ABCA6: variants seen among roughly 807,000 people sequenced by gnomAD.
ABCA6 encodes ATP binding cassette subfamily A member 6, also known as ATP-binding cassette sub-family A member 6.
A neutral mutation model predicts 191.2 loss-of-function variants in ABCA6; 164 were observed. The observed-to-expected ratio is 0.86, with a 90% CI of 0.76 to 0.98. The LOEUF (loss-of-function observed/expected upper bound fraction) is 0.98, where lower values mean the gene tolerates loss of function less well. Ranked by LOEUF, ABCA6 falls within the 50% of genes least tolerant of loss-of-function variation. ABCA6 has a pLI of 0.00. For missense variants in ABCA6, 1,958 were observed against 1,894.1 expected (o/e 1.03, Z -0.63); for synonymous variants, 636 against 647.7 (o/e 0.98, Z 0.27).
intron 20 of ABCA6, chr17:69,105,148 G>C (rs968883918): frequency 2.9e-5 from 8 of 278,974 alleles, no homozygotes; most frequent in African/African-American, 1.4e-4. Context: ...GTGTAACAAA[G>C]GGATCTCAAA....
intron 25 of ABCA6, among the ~76,000 whole-genome samples, chr17:69,093,536 T>C (rs964182902): frequency 2.0e-5 from 3 of 152,354 alleles, no homozygotes; most frequent in African/African-American, 7.2e-5. Context: ...TTGTTCTCAC[T>C]TCTGCAAACC....
chr17:69,106,019 C>T lies in ABCA6; in HGVS notation c.2573+9G>A, dbSNP rs2073293756. On this transcript the variant is annotated intron_variant, in intron 19 of 38. Coordinates refer to ENST00000284425, the MANE Select transcript of ABCA6 (RefSeq NM_080284.3). Reference sequence around the variant, plus strand: ...TGATCTAACAAAACCACAGTACTCTCCTACTCACAGGGTCAATAACACTTT... The same window carrying T: ...TGATCTAACAAAACCACAGTACTCTTCTACTCACAGGGTCAATAACACTTT... The T allele has an allele frequency of 6.2e-7, 1 of 1,601,650 alleles. No homozygotes were observed. The highest frequency in any genetic ancestry group is 1.1e-5 in the South Asian group (1 of 88,552).
intron 16 of ABCA6, chr17:69,111,275 C>T (rs933316921): frequency 1.2e-5 from 2 of 164,006 alleles, no homozygotes; most frequent in Non-Finnish European, 2.6e-5. Flanking sequence ...ATTATTATAC[C>T]AGACCATATC....
chr17:69,083,447 T>C lies in ABCA6; in HGVS notation c.4356-116A>G. 7.7e-6 allele frequency: 8 copies of C among 1,036,918 alleles called. 1 individual carries two copies. The highest frequency in any genetic ancestry group is 1.0e-5 in the Non-Finnish European group (8 of 764,044). The allele number at this position is 1,036,918 out of a possible 1,614,324, so 64.2% of individuals were successfully genotyped here. ...CCTAATGCAAAAAAATAGTGCAATG[T>C]AAGTACTGACTAGGTTTTTGATAAC... On this transcript the variant is annotated intron_variant, in intron 34 of 38. Transcript: ENST00000284425.
intron 26 of ABCA6, among the ~76,000 whole-genome samples, chr17:69,090,625 C>A (rs1226104545): frequency 6.6e-6 from 1 of 152,144 alleles, no homozygotes; most frequent in Non-Finnish European, 1.5e-5. Flanking sequence ...TTTGCCTCCA[C>A]TAAGCTTTGG....
intron 13 of ABCA6, among the ~76,000 whole-genome samples, chr17:69,114,050 C>T (rs1451967797): frequency 6.6e-6 from 1 of 152,068 alleles, no homozygotes; most frequent in Admixed American, 6.6e-5. Flanking sequence ...TTGACCCAGC[C>T]ATCCCATTAC....
intron 9 of ABCA6, 32 bp from the exon 10 acceptor site, chr17:69,123,439 A>C: frequency 7.1e-7 from 1 of 1,401,132 alleles, no homozygotes; most frequent in Non-Finnish European, 9.5e-7. Context: ...AAATATGATC[A>C]GTAATAGTAA....
At chr17:69,100,983 CA>C (rs1417042846) in intron 21 of ABCA6, 49 bp from the exon 22 acceptor site, 2 of 1,471,260 alleles carry the variant, frequency 1.4e-6, no homozygotes, top group Non-Finnish European at 1.8e-6. Flanking sequence ...TCTTAAAGAA[CA>C]AAGGCAAGGT....
intron 25 of ABCA6, chr17:69,095,379 G>A (rs1358893418): frequency 1.3e-5 from 2 of 152,620 alleles, no homozygotes; most frequent in African/African-American, 2.4e-5. Flanking sequence ...TATAGACACT[G>A]TTTGCTGAAT....
chr17:69,078,874 T>C lies in ABCA6; in HGVS notation c.*99A>G, dbSNP rs543425516. On this transcript the variant is annotated 3_prime_UTR_variant, in exon 39 of 39. Coordinates refer to ENST00000284425, the MANE Select transcript of ABCA6 (RefSeq NM_080284.3). Reference sequence around the variant, plus strand: ...AACTAAATTTACAAAATATACCTGATGTTAATTTTAAATGATCTTTAAAAT... The same window carrying C: ...AACTAAATTTACAAAATATACCTGACGTTAATTTTAAATGATCTTTAAAAT... 5 of 666,932 alleles carry C rather than the reference T, an allele frequency of 7.5e-6. No individual in the cohort carries two copies. The highest frequency in any genetic ancestry group is 3.7e-5 in the African/African-American group (2 of 53,356). 41.3% of individuals were successfully genotyped at this position (666,932 alleles called of 1,614,324 possible).
At position 69,123,411 on chromosome 17, in the gene ABCA6, A is replaced by C. The variant is rs2073688361; in HGVS notation, c.1268-4T>G. 1 of 1,464,960 alleles carries C rather than the reference A, an allele frequency of 6.8e-7. No homozygotes were observed. The highest frequency in any genetic ancestry group is 1.4e-5 in the African/African-American group (1 of 70,820). 90.7% of individuals were successfully genotyped at this position (1,464,960 alleles called of 1,614,324 possible). A position where few individuals can be genotyped will look rare whatever the true frequency, so the allele number is the denominator to read the frequency against. On this transcript the variant is annotated splice_region_variant and splice_polypyrimidine_tract_variant and intron_variant, in intron 9 of 38. Coordinates refer to ENST00000284425, the MANE Select transcript of ABCA6 (RefSeq NM_080284.3). ...GAATAATGGCGCTCATCTCCATCTA[A>C]TTAACCAAGAGGCAACAAAATATGA...
chr17:69,110,984 C>T lies in ABCA6; in HGVS notation c.2133-44G>A. 4 of 1,534,474 alleles carry T rather than the reference C, an allele frequency of 2.6e-6. No individual in the cohort carries two copies. The South Asian group carries it at 5.0e-5, about 19-fold the overall frequency. The stretch of plus-strand genomic sequence containing the variant: ...GATAAGTCATTTGCATTTTCTCCAC[C>T]ACTATCACAAAAGAAGAGCTTTAAT... On this transcript the variant is annotated intron_variant, in intron 16 of 38. Transcript: ENST00000284425.
At chr17:69,128,268 T>C (rs1009649605) in intron 8 of ABCA6, among the ~76,000 whole-genome samples, 3 of 152,066 alleles carry the variant, frequency 2.0e-5, no homozygotes, top group Non-Finnish European at 4.4e-5. Flanking sequence ...TCATAGTTTA[T>C]ACAATAAAAG....
chr17:69,115,332 CTATTA>C (rs1302029723), intron 12 of ABCA6, 39 bp downstream of exon 12: 4 of 1,424,752 alleles, frequency 2.8e-6, no homozygotes, highest in Non-Finnish European at 3.9e-6. Context: ...TGACCTCATT[CTATTA>C]TAAGACATCT....
At chr17:69,079,296 T>C (rs768360704) in intron 37 of ABCA6, 31 bp from the exon 38 acceptor site, 2 of 1,530,940 alleles carry the variant, frequency 1.3e-6, no homozygotes, top group Middle Eastern at 1.7e-4. Context: ...GTATTAATAG[T>C]AGATGCTTAC....
At chr17:69,129,285 GA>G (rs1016347364) in intron 7 of ABCA6, among the ~76,000 whole-genome samples, 2 of 151,564 alleles carry the variant, frequency 1.3e-5, no homozygotes, top group African/African-American at 4.8e-5. Flanking sequence ...ACCCTTAAGG[GA>G]AAAAAAATTG....
At chr17:69,079,110 A>G in intron 38 of ABCA6, 36 bp from the exon 39 acceptor site, 1 of 1,575,216 alleles carries the variant, frequency 6.3e-7, no homozygotes, top group Middle Eastern at 1.7e-4. Flanking sequence ...AAGAAGGAAG[A>G]GAGATTATCA....
chr17:69,129,648 C>T lies in ABCA6; in HGVS notation c.895G>A (p.Val299Ile). The change falls in exon 7 of 39, where the codon GTC becomes ATC. Residue 299 changes from valine (V) to isoleucine (I), a missense_variant. Transcript: ENST00000284425. The stretch of plus-strand genomic sequence containing the variant: ...TATAAAAAAAAGAGTATAAATATGA[C>T]CATGAAGCCAGTCATGACTATAATT... ...TQIIVMTGFM[V>I]IFILFFLYGL... is the part of the protein sequence containing the mutation. 6.2e-7 allele frequency: 1 copy of T among 1,602,310 alleles called. No individual in the cohort carries two copies. The highest frequency in any genetic ancestry group is 8.5e-7 in the Non-Finnish European group (1 of 1,172,754).
At position 69,123,290 on chromosome 17, in the gene ABCA6, TC is replaced by T; in HGVS notation, c.1384del (p.Asp462MetfsTer7). On this transcript the variant is annotated frameshift_variant, in exon 10 of 39. Transcript: ENST00000284425. LOFTEE classifies it high-confidence loss of function. Reference protein sequence around the residue: ...EKEIDAEHPSDDYFEPVAPEF... With the variant: ...EKEIDAEHPSXDYFEPVAPEF... ...AGGAGCTACTGGTTCAAAATAATCA[TC>T]AGAGGGATGCTCAGCATCGATTTCT... is the stretch of plus-strand genomic sequence containing the variant. 4 of 1,555,870 alleles carry T rather than the reference TC, an allele frequency of 2.6e-6. No individual in the cohort carries two copies. Among genetic ancestry groups the T allele is most frequent in the Non-Finnish European group, 3.5e-6 (4 of 1,144,574 alleles).
Sources: gnomAD v4.1 joint callset for allele counts (sites outside exome capture counted in the v4.1 genomes callset) on GRCh38, gnomAD v4.1.1 for gene constraint, MANE v1.5 for transcripts, NCBI Gene and HGNC (gene_info 2026-07-23, HGNC 2026-07-21) for gene names.